CFAP70: variants seen among roughly 807,000 people sequenced by gnomAD.
The protein encoded by CFAP70 is cilia- and flagella-associated protein 70.
CFAP70 carries 81 observed loss-of-function variants against 137.6 expected under a neutral mutation model. The ratio of observed to expected loss-of-function variants is 0.59; its 90% confidence interval spans 0.49 to 0.71. CFAP70 has a LOEUF of 0.71. Ranked by LOEUF, CFAP70 falls within the 30% of genes least tolerant of loss-of-function variation. The pLI is 0.00. For synonymous variants in CFAP70, 382 were observed against 423.6 expected (o/e 0.90, Z 1.20); for missense variants, 976 against 1,226.7 (o/e 0.80, Z 3.05).
chr10:73,359,226 T>G (rs942245920), upstream of CFAP70, among the ~76,000 whole-genome samples: 1 of 152,204 alleles, frequency 6.6e-6, no homozygotes, highest in Non-Finnish European at 1.5e-5. Flanking sequence ...TTAATACAAA[T>G]TTTTAATATT....
At chr10:73,257,470 T>TA (rs989129398) in intron 25 of CFAP70, among the ~76,000 whole-genome samples, 40 of 152,336 alleles carry the variant, frequency 2.6e-4, no homozygotes, top group African/African-American at 8.9e-4. Flanking sequence ...CATAGTTACT[T>TA]AGAGTATGCA....
intron 3 of CFAP70, among the ~76,000 whole-genome samples, chr10:73,351,617 G>C (rs557845285): frequency 6.6e-6 from 1 of 152,164 alleles, no homozygotes; most frequent in African/African-American, 2.4e-5. Flanking sequence ...ATTTTTAGTA[G>C]AGACGGGGTT....
intron 8 of CFAP70, among the ~76,000 whole-genome samples, chr10:73,327,507 G>T (rs1394223693): frequency 6.6e-6 from 1 of 151,896 alleles, no homozygotes; most frequent in African/African-American, 2.4e-5. Flanking sequence ...GCAGGAGAAG[G>T]AAATAAAGGG....
At chr10:73,353,357 AC>A (rs1440774121) in intron 3 of CFAP70, among the ~76,000 whole-genome samples, 198 bp downstream of exon 3, 1 of 152,108 alleles carries the variant, frequency 6.6e-6, no homozygotes, top group Non-Finnish European at 1.5e-5. Flanking sequence ...ACTTCCACTA[AC>A]ACATACACAC....
intron 20 of CFAP70, among the ~76,000 whole-genome samples, chr10:73,277,670 G>A (rs977384884): frequency 2.0e-5 from 3 of 150,910 alleles, no homozygotes; most frequent in Non-Finnish European, 4.4e-5. Context: ...CCGAGATTGC[G>A]CCACTGCACT....
At chr10:73,277,652 G>A (rs1330608567) in intron 20 of CFAP70, among the ~76,000 whole-genome samples, 1 of 151,868 alleles carries the variant, frequency 6.6e-6, no homozygotes, top group African/African-American at 2.4e-5. Flanking sequence ...GTCAGAGGTT[G>A]CAGTGAGCCG....
chr10:73,278,014 A>C (rs1472361509), intron 20 of CFAP70, among the ~76,000 whole-genome samples, 165 bp downstream of exon 21: 1 of 152,254 alleles, frequency 6.6e-6, no homozygotes, highest in Non-Finnish European at 1.5e-5. Flanking sequence ...TGTGAGCTAA[A>C]TATAAAATCC....
exon 27 of CFAP70, chr10:73,254,014 T>C (rs1300542191): frequency 1.9e-6 from 3 of 1,604,568 alleles, no homozygotes; most frequent in Admixed American, 1.7e-5. Context: ...TTTCCTGTAG[T>C]GTGTGGATCT....
intron 19 of CFAP70, among the ~76,000 whole-genome samples, chr10:73,285,465 G>A (rs2047616316): frequency 6.6e-6 from 1 of 152,068 alleles, no homozygotes; most frequent in Admixed American, 6.5e-5. Flanking sequence ...ATTATTGACT[G>A]GGTCATTCAG....
At chr10:73,338,241 C>A (rs971995907) in intron 6 of CFAP70, among the ~76,000 whole-genome samples, 1 of 146,890 alleles carries the variant, frequency 6.8e-6, no homozygotes, top group South Asian at 2.2e-4. Flanking sequence ...GCCTCCGTGT[C>A]CCGGGTTCAA....
chr10:73,296,880 A>C, intron 15 of CFAP70, 162 bp downstream of exon 16: 1 of 664,434 alleles, frequency 1.5e-6, no homozygotes, highest in Non-Finnish European at 2.3e-6. Flanking sequence ...TCTTAAACTG[A>C]TTAGGCTTAG....
intron 7 of CFAP70, among the ~76,000 whole-genome samples, chr10:73,333,828 T>A (rs1329207200): frequency 6.6e-6 from 1 of 152,070 alleles, no homozygotes; most frequent in Non-Finnish European, 1.5e-5. Context: ...TCAGGAAATA[T>A]CATAAATGAA....
At chr10:73,354,642 A>C (rs533514523) in intron 2 of CFAP70, 92 bp downstream of exon 2, 5 of 966,234 alleles carry the variant, frequency 5.2e-6, no homozygotes, top group East Asian at 5.1e-5. Flanking sequence ...TAAAGCCAGG[A>C]GGTTTGGAGG....
intron 19 of CFAP70, among the ~76,000 whole-genome samples, chr10:73,283,346 C>T (rs1055292961): frequency 1.3e-5 from 2 of 152,086 alleles, no homozygotes; most frequent in African/African-American, 4.8e-5. Context: ...AATTGGATCC[C>T]ACTGGTTAAT....
chr10:73,289,975 G>A (rs1055628067), intron 19 of CFAP70, among the ~76,000 whole-genome samples: 5 of 150,330 alleles, frequency 3.3e-5, no homozygotes, highest in Admixed American at 1.3e-4. Context: ...AACCTGGGAG[G>A]CAGAGGTTGC....
At chr10:73,321,690 A>G (rs988834199) in intron 9 of CFAP70, among the ~76,000 whole-genome samples, 30 of 148,484 alleles carry the variant, frequency 2.0e-4, no homozygotes, top group Non-Finnish European at 7.6e-5. Context: ...CTAAAAATGG[A>G]AAAAAAAAAT....
intron 24 of CFAP70, among the ~76,000 whole-genome samples, chr10:73,271,487 G>A (rs1273301316): frequency 6.6e-6 from 1 of 152,170 alleles, no homozygotes; most frequent in African/African-American, 2.4e-5. Context: ...ACTCCAGCTT[G>A]GGTGACAGAG....
At chr10:73,355,059 C>T (rs938117832) in intron 1 of CFAP70, among the ~76,000 whole-genome samples, 3 of 152,284 alleles carry the variant, frequency 2.0e-5, no homozygotes, top group African/African-American at 7.2e-5. Context: ...GGTAACTAAC[C>T]CATTAAGCAC....
intron 5 of CFAP70, among the ~76,000 whole-genome samples, chr10:73,344,494 G>A (rs1031986526): frequency 6.6e-6 from 1 of 152,196 alleles, no homozygotes; most frequent in African/African-American, 2.4e-5. Context: ...GGTGCTGAAA[G>A]TCCCATGTCC....
Sources: allele counts gnomAD v4.1 joint callset (sites outside exome capture counted in the v4.1 genomes callset), GRCh38; gene constraint gnomAD v4.1.1; transcripts MANE v1.5; gene names NCBI Gene and HGNC (gene_info 2026-07-23, HGNC 2026-07-21).